The following AFF3 variants were observed in gnomAD, a reference collection of about 807,000 sequenced individuals.
AFF3 encodes AF4/FMR2 family member 3.
Under a neutral mutation model 129.7 loss-of-function variants are expected in AFF3, and 32 were observed. That is an observed-to-expected ratio of 0.25 (90% CI 0.19 to 0.33). The LOEUF is 0.33. Among genes scored for constraint, AFF3 ranks in the 10% least tolerant of loss-of-function variants. The pLI, the probability that AFF3 is intolerant of heterozygous loss-of-function variation, is 1.00. For missense variants in AFF3, 1,373 were observed against 1,592.0 expected, an observed-to-expected ratio of 0.86 and a Z score of 2.34; for synonymous variants, 644 against 635.4, an observed-to-expected ratio of 1.01 and a Z score of -0.20.
chr2:99,822,016 T>A (rs967854306), intron 8 of AFF3, among the ~76,000 whole-genome samples: 1 of 152,200 alleles, frequency 6.6e-6, no homozygotes, highest in Non-Finnish European at 1.5e-5. Flanking sequence ...CCTTCTTACA[T>A]TTTGGAAATA....
chr2:99,661,816 C>T (rs1314216817), intron 12 of AFF3, among the ~76,000 whole-genome samples: 1 of 152,120 alleles, frequency 6.6e-6, no homozygotes, highest in East Asian at 1.9e-4. Flanking sequence ...TTTGTGTTTG[C>T]TTCTGGTGAC....
chr2:99,960,402 T>C (rs77858238), intron 7 of AFF3, among the ~76,000 whole-genome samples: 1 of 151,852 alleles, frequency 6.6e-6, no homozygotes, highest in African/African-American at 2.4e-5. Context: ...AAAAAAAAAG[T>C]ACCGTAGTCA....
chr2:99,798,549 T>C (rs1209180115), intron 8 of AFF3, among the ~76,000 whole-genome samples: 1 of 151,918 alleles, frequency 6.6e-6, no homozygotes, highest in African/African-American at 2.4e-5. Flanking sequence ...GACCCAATTA[T>C]ATGCTATTTA....
chr2:99,956,216 T>G (rs1676634332), intron 7 of AFF3, among the ~76,000 whole-genome samples: 1 of 151,922 alleles, frequency 6.6e-6, no homozygotes, highest in Non-Finnish European at 1.5e-5. Flanking sequence ...ACAGGGACAT[T>G]AAATTAAGGA....
chr2:99,744,189 A>C, intron 9 of AFF3, 49 bp from the exon 10 acceptor site: 1 of 1,542,946 alleles, frequency 6.5e-7, no homozygotes, highest in Middle Eastern at 1.7e-4. Flanking sequence ...GACTTTCAAA[A>C]TCCAAGTTAA....
At chr2:99,726,255 T>C (rs1679350901) in intron 11 of AFF3, among the ~76,000 whole-genome samples, 2 of 152,346 alleles carry the variant, frequency 1.3e-5, no homozygotes, top group South Asian at 4.1e-4. Flanking sequence ...CTCAGTATTT[T>C]ACCACAAACT....
intron 7 of AFF3, among the ~76,000 whole-genome samples, chr2:99,963,361 G>C (rs906627310): frequency 6.6e-6 from 1 of 152,046 alleles, no homozygotes; most frequent in Non-Finnish European, 1.5e-5. Context: ...ACATCAGAAT[G>C]GCTAAAATTG....
chr2:99,671,447 C>T (rs1375599068), intron 12 of AFF3, among the ~76,000 whole-genome samples: 1 of 152,144 alleles, frequency 6.6e-6, no homozygotes, highest in Admixed American at 6.5e-5. Context: ...TTTTTCGTGC[C>T]TCAGTTTCTC....
At chr2:99,977,545 T>C (rs961622717) in intron 7 of AFF3, among the ~76,000 whole-genome samples, 1 of 152,258 alleles carries the variant, frequency 6.6e-6, no homozygotes, top group Non-Finnish European at 1.5e-5. Flanking sequence ...AGCACTCCTT[T>C]TTCCTTCTTG....
chr2:99,687,588 TAA>T (rs1267799856), intron 11 of AFF3, among the ~76,000 whole-genome samples: 2 of 152,066 alleles, frequency 1.3e-5, no homozygotes, highest in Non-Finnish European at 2.9e-5. Flanking sequence ...GCCTGTGGAA[TAA>T]AGAGGCTGAT....
chr2:99,760,923 C>CT (rs1184868040), intron 8 of AFF3, among the ~76,000 whole-genome samples: 3 of 151,410 alleles, frequency 2.0e-5, no homozygotes, highest in East Asian at 1.9e-4. Context: ...GTCACCTGCC[C>CT]TTTTTTTTCC....
intron 18 of AFF3, among the ~76,000 whole-genome samples, chr2:99,576,829 A>G (rs1677044220): frequency 6.6e-6 from 1 of 152,170 alleles, no homozygotes; most frequent in Non-Finnish European, 1.5e-5. Context: ...AAATGGCTGA[A>G]GTTCACATGA....
chr2:99,658,226 C>A (rs978463067), intron 12 of AFF3, among the ~76,000 whole-genome samples: 1 of 152,164 alleles, frequency 6.6e-6, no homozygotes, highest in Non-Finnish European at 1.5e-5. Context: ...TGGCACCCTG[C>A]AGGGCAGGAC....
chr2:99,956,510 T>A (rs570864290), intron 7 of AFF3, among the ~76,000 whole-genome samples: 1 of 152,236 alleles, frequency 6.6e-6, no homozygotes, highest in Admixed American at 6.5e-5. Flanking sequence ...TAACATCCAG[T>A]TTTTACAAGC....
At chr2:99,756,318 C>G (rs879278767) in intron 8 of AFF3, among the ~76,000 whole-genome samples, 65 of 152,212 alleles carry the variant, frequency 4.3e-4, no homozygotes, top group African/African-American at 1.5e-3. Context: ...TTTCTGAGTT[C>G]CTCAAACATT....
At chr2:99,650,796 A>ATGCGTGTGTGTGTGTGTG (rs1553417669) in intron 12 of AFF3, among the ~76,000 whole-genome samples, 32 of 144,832 alleles carry the variant, frequency 2.2e-4, no homozygotes, top group Non-Finnish European at 4.6e-4. Flanking sequence ...ACTAAAATTA[A>ATGCGTGTGTGTGTGTGTG]TGTGTGTGTG....
At chr2:99,674,640 G>A (rs1410721115) in intron 11 of AFF3, among the ~76,000 whole-genome samples, 9 of 152,110 alleles carry the variant, frequency 5.9e-5, no homozygotes, top group Admixed American at 2.6e-4. Context: ...AAAGAGTGGG[G>A]AGGACTCACA....
intron 8 of AFF3, among the ~76,000 whole-genome samples, chr2:99,772,693 C>T (rs1303100511): frequency 6.6e-6 from 1 of 152,184 alleles, no homozygotes; most frequent in African/African-American, 2.4e-5. Flanking sequence ...AGTTAAACAA[C>T]CATGACTTAA....
At chr2:99,920,852 C>A (rs1456282718) in intron 7 of AFF3, among the ~76,000 whole-genome samples, 1 of 151,940 alleles carries the variant, frequency 6.6e-6, no homozygotes, top group African/African-American at 2.4e-5. Flanking sequence ...AATACAAAAT[C>A]TATTAGCAAT....
Sources: gnomAD v4.1 joint callset for allele counts (sites outside exome capture counted in the v4.1 genomes callset) on GRCh38, gnomAD v4.1.1 for gene constraint, MANE v1.5 for transcripts, NCBI Gene and HGNC (gene_info 2026-07-23, HGNC 2026-07-21) for gene names.